The following LRP1B variants were observed in gnomAD, a reference collection of about 807,000 sequenced individuals.
The protein encoded by LRP1B is LDL receptor related protein 1B, also known as low-density lipoprotein receptor-related protein 1B.
A neutral mutation model predicts 556.6 loss-of-function variants in LRP1B; 217 were observed. That is an observed-to-expected ratio of 0.39 (90% CI 0.35 to 0.44). The LOEUF is 0.44. LRP1B is among the 20% of genes least tolerant of loss of function. The pLI is 1.00. For synonymous variants in LRP1B, 2,047 were observed against 1,865.8 expected (o/e 1.10, Z -2.50); for missense variants, 5,053 against 5,620.8 (o/e 0.90, Z 3.23).
intron 1 of LRP1B, among the ~76,000 whole-genome samples, chr2:142,063,123 A>T (rs1188097636): frequency 6.6e-6 from 1 of 150,640 alleles, no homozygotes; most frequent in Non-Finnish European, 1.5e-5. Context: ...AAATCCATTT[A>T]TTGAGAGTTT....
intron 2 of LRP1B, among the ~76,000 whole-genome samples, chr2:141,777,108 A>T (rs1258628504): frequency 6.6e-6 from 1 of 152,194 alleles, no homozygotes; most frequent in African/African-American, 2.4e-5. Flanking sequence ...AAGCTGACAA[A>T]AAGACTTTGG....
At chr2:141,007,354 C>A (rs774949150) in intron 14 of LRP1B, among the ~76,000 whole-genome samples, 1 of 151,766 alleles carries the variant, frequency 6.6e-6, no homozygotes. Flanking sequence ...AGTATATTAT[C>A]ATTTCATTAT....
intron 1 of LRP1B, among the ~76,000 whole-genome samples, chr2:141,906,714 G>C (rs981678561): frequency 6.6e-6 from 1 of 151,954 alleles, no homozygotes; most frequent in Non-Finnish European, 1.5e-5. Context: ...TGATGTAAAA[G>C]CTTCATTGTG....
At position 140,371,268 on chromosome 2, in the gene LRP1B, A is replaced by G; in HGVS notation, c.10786T>C (p.Ser3596Pro). The G allele has an allele frequency of 2.5e-6, 4 of 1,576,724 alleles. No individual in the cohort carries two copies. Among genetic ancestry groups the G allele is most frequent in the Non-Finnish European group, 3.4e-6 (4 of 1,160,852 alleles). The stretch of plus-strand genomic sequence containing the variant: ...TCACTGGCACATATATATTCACGTG[A>G]TGAGCAAGTAGGAGAAGCTGAATAC... ...SCEPASPTCS[S>P]REYICASDGC... The change falls in exon 70 of 91, where the codon TCA becomes CCA. Residue 3596 changes from serine to proline, a missense_variant. This residue lies in a region of LRP1B where 599 missense variants were observed against 648.4 expected (regional missense o/e 0.92). Transcript: ENST00000389484.
chr2:141,542,030 C>A (rs754418247), intron 2 of LRP1B, among the ~76,000 whole-genome samples: 47 of 148,844 alleles, frequency 3.2e-4, no homozygotes, highest in Non-Finnish European at 5.8e-4. Flanking sequence ...ATTATTCCTG[C>A]AATATTTCAC....
chr2:141,567,239 T>C (rs150058125), intron 2 of LRP1B, among the ~76,000 whole-genome samples: 165 of 152,080 alleles, frequency 1.1e-3, no homozygotes, highest in African/African-American at 3.8e-3. Flanking sequence ...ACTTTAGGAT[T>C]CACAAATTGC....
At position 140,353,080 on chromosome 2, in the gene LRP1B, AG is replaced by A. The variant is rs752661374; in HGVS notation, c.11531-9del. ...CCAAACATTCATTAAGGTCTAGAAA[AG>A]AAGAGCTCAAAATAGCATCATCATA... On this transcript the variant is annotated splice_polypyrimidine_tract_variant and intron_variant, in intron 75 of 90. Transcript: ENST00000389484. The A allele has an allele frequency of 3.1e-6, 5 of 1,612,472 alleles. No individual in the cohort carries two copies. In the East Asian group the frequency reaches 9.0e-5, roughly 29 times the overall value.
intron 1 of LRP1B, among the ~76,000 whole-genome samples, chr2:142,056,946 T>G (rs1158534889): frequency 6.6e-6 from 1 of 152,144 alleles, no homozygotes; most frequent in Admixed American, 6.6e-5. Flanking sequence ...CTAAATTACA[T>G]GCTAAATGTA....
chr2:141,258,092 T>G (rs991029442), intron 3 of LRP1B, among the ~76,000 whole-genome samples: 1 of 152,242 alleles, frequency 6.6e-6, no homozygotes, highest in African/African-American at 2.4e-5. Flanking sequence ...CACTTGTATC[T>G]CAGGGAAGCA....
At chr2:141,304,347 G>A (rs191672478) in intron 3 of LRP1B, among the ~76,000 whole-genome samples, 119 of 151,778 alleles carry the variant, frequency 7.8e-4, no homozygotes, top group African/African-American at 2.7e-3. Context: ...CTAGATCAAC[G>A]TATTGAAGTC....
In LRP1B at chr2:141,105,243, A is replaced by G. The variant is rs558018241; in HGVS notation, c.1014-42970T>C. ...AAACTGACAGACCTCTTCAAATTAT[A>G]TGGATTTTATATATCCAGTTAATGT... is the stretch of plus-strand genomic sequence containing the variant. On this transcript the variant is annotated intron_variant, in intron 7 of 90. Coordinates refer to ENST00000389484, the MANE Select transcript of LRP1B (RefSeq NM_018557.3). Among the ~76,000 whole-genome samples the G allele has an allele frequency of 7.2e-5, 11 of 152,068 alleles. 1 individual carries two copies. Among genetic ancestry groups the G allele is most frequent in the Non-Finnish European group, 1.5e-4 (10 of 68,002 alleles).
intron 7 of LRP1B, among the ~76,000 whole-genome samples, chr2:141,141,958 T>C (rs560257003): frequency 2.2e-4 from 34 of 152,152 alleles, no homozygotes; most frequent in African/African-American, 7.7e-4. Context: ...ACAAAAAGGC[T>C]AATAAATGTT....
intron 3 of LRP1B, among the ~76,000 whole-genome samples, chr2:141,336,505 A>G (rs1687854835): frequency 6.6e-6 from 1 of 152,164 alleles, no homozygotes; most frequent in South Asian, 2.1e-4. Flanking sequence ...TCTAAAAAGC[A>G]TATTTGTTAA....
At chr2:140,644,690 G>T (rs1684416905) in intron 41 of LRP1B, among the ~76,000 whole-genome samples, 1 of 152,000 alleles carries the variant, frequency 6.6e-6, no homozygotes, top group Non-Finnish European at 1.5e-5. Context: ...TGGGATTACA[G>T]GTATGAGCCA....
chr2:141,172,289 G>A (rs1680534085), intron 7 of LRP1B, among the ~76,000 whole-genome samples: 1 of 152,054 alleles, frequency 6.6e-6, no homozygotes, highest in Admixed American at 6.6e-5. Context: ...CAGCTGGCCT[G>A]TGTGTACTTC....
chr2:141,466,157 G>C (rs1176169199), intron 3 of LRP1B, among the ~76,000 whole-genome samples: 2 of 152,142 alleles, frequency 1.3e-5, no homozygotes, highest in Admixed American at 1.3e-4. Context: ...AAAGTGCTGG[G>C]ATTACAGGCA....
chr2:141,831,019 T>C (rs765830731), intron 1 of LRP1B, among the ~76,000 whole-genome samples: 1 of 151,780 alleles, frequency 6.6e-6, no homozygotes, highest in Non-Finnish European at 1.5e-5. Flanking sequence ...TTTGACACTT[T>C]TCTTATGAAA....
chr2:140,408,592 G>T (rs906808135), intron 66 of LRP1B, among the ~76,000 whole-genome samples: 1 of 151,862 alleles, frequency 6.6e-6, no homozygotes, highest in African/African-American at 2.4e-5. Flanking sequence ...CTATTATAAG[G>T]ATTAAGATAC....
chr2:141,228,905 T>A (rs300387), intron 6 of LRP1B, among the ~76,000 whole-genome samples: 145,320 of 151,850 alleles, frequency 0.96, 69,862 homozygotes, highest in East Asian at 1. Context: ...CTCAGTGGAA[T>A]AAAAAAATCA....
Sources: gnomAD v4.1 joint callset for allele counts (sites outside exome capture counted in the v4.1 genomes callset) on GRCh38, gnomAD v4.1.1 for gene constraint, gnomAD v4.1.1 regional missense constraint, MANE v1.5 for transcripts, NCBI Gene and HGNC (gene_info 2026-07-23, HGNC 2026-07-21) for gene names.